Variants in KAZN observed in about 807,000 individuals in gnomAD.
The protein encoded by KAZN is kazrin, periplakin interacting protein.
Under a neutral mutation model 87.4 loss-of-function variants are expected in KAZN, and 40 were observed. The ratio of observed to expected loss-of-function variants is 0.46; its 90% CI spans 0.36 to 0.60. The LOEUF (loss-of-function observed/expected upper bound fraction) is 0.60, where lower values mean the gene tolerates loss of function less well. Ranked by LOEUF, KAZN falls within the 20% of genes least tolerant of loss-of-function variation. The pLI is 0.00. For synonymous variants in KAZN, 466 were observed against 458.3 expected (o/e 1.02, Z -0.22); for missense variants, 898 against 1,073.9 (o/e 0.84, Z 2.29).
chr1:14,933,698 A>G (rs1009845560), intron 1 of KAZN, among the ~76,000 whole-genome samples: 1 of 151,984 alleles, frequency 6.6e-6, no homozygotes. Flanking sequence ...AGGGCTGTTC[A>G]CAGGCATGAT....
chr1:15,043,633 C>CTTTTTTTT (rs71000361), intron 3 of KAZN, among the ~76,000 whole-genome samples: 2 of 72,572 alleles, frequency 2.8e-5, no homozygotes, highest in African/African-American at 6.7e-5. Context: ...CTCCCCACTT[C>CTTTTTTTT]TTTTTTTTTT....
intron 1 of KAZN, among the ~76,000 whole-genome samples, chr1:13,995,978 A>T (rs1449473554): frequency 1.3e-5 from 2 of 152,216 alleles, no homozygotes; most frequent in African/African-American, 4.8e-5. Context: ...AAGTGAAAAG[A>T]ACCATAATAA....
chr1:14,430,213 CAAA>C (rs35741487), intron 2 of KAZN, among the ~76,000 whole-genome samples: 18 of 105,754 alleles, frequency 1.7e-4, no homozygotes, highest in African/African-American at 1.7e-4. Context: ...GCCCTGCAAC[CAAA>C]AAAAAAAAAA....
chr1:15,010,163 ATGT>A (rs1356860009), intron 2 of KAZN, among the ~76,000 whole-genome samples: 1 of 152,108 alleles, frequency 6.6e-6, no homozygotes, highest in African/African-American at 2.4e-5. Context: ...TGAAGGAAAC[ATGT>A]TGTTTGTCTG....
At chr1:14,269,505 C>T (rs1244465315) in intron 2 of KAZN, among the ~76,000 whole-genome samples, 1 of 152,086 alleles carries the variant, frequency 6.6e-6, no homozygotes, top group Non-Finnish European at 1.5e-5. Flanking sequence ...TAGTAACATC[C>T]TCCCAGGGAA....
intron 1 of KAZN, among the ~76,000 whole-genome samples, chr1:14,036,838 G>A (rs987055363): frequency 1.3e-5 from 2 of 151,990 alleles, no homozygotes; most frequent in South Asian, 4.2e-4. Context: ...GGAGTGCAGT[G>A]GTGCAATCTC....
chr1:14,646,569 C>T (rs1680826111), intron 1 of KAZN, among the ~76,000 whole-genome samples: 1 of 152,142 alleles, frequency 6.6e-6, no homozygotes, highest in Non-Finnish European at 1.5e-5. Context: ...GCACTGCTGA[C>T]ATTTGCAGCT....
chr1:14,884,077 A>G (rs1014550398), intron 1 of KAZN, among the ~76,000 whole-genome samples: 1 of 152,118 alleles, frequency 6.6e-6, no homozygotes, highest in Non-Finnish European at 1.5e-5. Flanking sequence ...TACATCACTC[A>G]TCTAGGGTCT....
At chr1:14,515,624 C>T (rs1394083450) in intron 2 of KAZN, among the ~76,000 whole-genome samples, 2 of 152,184 alleles carry the variant, frequency 1.3e-5, no homozygotes, top group African/African-American at 4.8e-5. Flanking sequence ...TCCTCAGCCA[C>T]ACCCTGTTTA....
rs1245463943 is a variant in KAZN, at chr1:14,769,761, A to T, written c.226+170538A>T. 6.6e-6 allele frequency among the ~76,000 whole-genome samples: 1 copy of T among 152,222 alleles called. No homozygotes were observed. Among genetic ancestry groups the T allele is most frequent in the African/African-American group, 2.4e-5 (1 of 41,454 alleles). ...TCATTTAGTCAGCAAACATGGATTG[A>T]CCATCCTCTGTGTGCTGCCAATGAG... On this transcript the variant is annotated intron_variant, in intron 1 of 14. Coordinates refer to ENST00000376030, the MANE Select transcript of KAZN (RefSeq NM_201628.3). This position sits in a 1 kb window ranked among gnomAD's most constrained non-coding sequence, Gnocchi z 4.1.
At chr1:14,935,170 A>G (rs1660305041) in intron 1 of KAZN, among the ~76,000 whole-genome samples, 1 of 152,224 alleles carries the variant, frequency 6.6e-6, no homozygotes, top group South Asian at 2.1e-4. Flanking sequence ...GTTCTGGAGC[A>G]GTCACGGATG....
chr1:14,990,314 C>G (rs1017567636), intron 2 of KAZN, among the ~76,000 whole-genome samples: 3 of 152,160 alleles, frequency 2.0e-5, no homozygotes, highest in Admixed American at 6.5e-5. Context: ...CCTCCACCTC[C>G]CAGGCTCAAG....
At chr1:14,391,975 C>G (rs139307871) in intron 2 of KAZN, among the ~76,000 whole-genome samples, 22 of 152,320 alleles carry the variant, frequency 1.4e-4, no homozygotes, top group Middle Eastern at 3.4e-3. Flanking sequence ...CAAATCCCCA[C>G]TTGAACTAAA....
chr1:14,783,441 G>A (rs1182860276), intron 1 of KAZN, among the ~76,000 whole-genome samples: 1 of 151,960 alleles, frequency 6.6e-6, no homozygotes, highest in Non-Finnish European at 1.5e-5. Flanking sequence ...TTCTGCTCCA[G>A]GACTTCTCTT....
intron 2 of KAZN, among the ~76,000 whole-genome samples, chr1:14,962,253 G>T (rs1663964719): frequency 6.6e-6 from 1 of 152,240 alleles, no homozygotes; most frequent in Admixed American, 6.5e-5. Flanking sequence ...GAGTGTCACA[G>T]CACTCTTGAC....
intron 1 of KAZN, among the ~76,000 whole-genome samples, chr1:14,654,324 A>T (rs1467138404): frequency 2.7e-5 from 4 of 150,506 alleles, no homozygotes; most frequent in African/African-American, 9.8e-5. Flanking sequence ...AGATATTGCC[A>T]GCAATGTACT....
chr1:14,697,392 A>C (rs1006158775), intron 1 of KAZN, among the ~76,000 whole-genome samples: 2 of 152,220 alleles, frequency 1.3e-5, no homozygotes, highest in African/African-American at 4.8e-5. Flanking sequence ...GTCAAAGCAC[A>C]TACTGGCCAC....
chr1:14,668,049 C>A (rs1411026757), intron 1 of KAZN, among the ~76,000 whole-genome samples: 1 of 152,116 alleles, frequency 6.6e-6, no homozygotes, highest in African/African-American at 2.4e-5. Flanking sequence ...GGGAAAAAAA[C>A]ACCAATTCTG....
chr1:14,562,963 C>G (rs189115094), intron 2 of KAZN, among the ~76,000 whole-genome samples: 3 of 152,160 alleles, frequency 2.0e-5, no homozygotes, highest in African/African-American at 4.8e-5. Flanking sequence ...TGGAAGACAG[C>G]GTTGTGGATC....
Sources: allele counts gnomAD v4.1 joint callset (sites outside exome capture counted in the v4.1 genomes callset), GRCh38; gene constraint gnomAD v4.1.1; non-coding constraint Gnocchi (gnomAD v3.1); transcripts MANE v1.5; gene names NCBI Gene and HGNC (gene_info 2026-07-23, HGNC 2026-07-21).